PTCD2: variants seen among roughly 807,000 people sequenced by gnomAD.
PTCD2 encodes the protein pentatricopeptide repeat domain 2, also known as pentatricopeptide repeat-containing protein 2, mitochondrial.
PTCD2 carries 31 observed loss-of-function variants against 42.6 expected under a neutral mutation model. That is an observed-to-expected ratio of 0.73 (90% CI 0.55 to 0.98). The LOEUF (loss-of-function observed/expected upper bound fraction) is 0.98. PTCD2 is among the 50% of genes least tolerant of loss of function. The pLI, the probability that PTCD2 is intolerant of heterozygous loss-of-function variation, is 0.00. For missense variants in PTCD2, 476 were observed against 454.8 expected, an observed-to-expected ratio of 1.05 and a Z score of -0.42; for synonymous variants, 183 against 170.9, an observed-to-expected ratio of 1.07 and a Z score of -0.55.
At chr5:72,334,942 G>T in intron 4 of PTCD2, 76 bp from the exon 5 acceptor site, 1 of 856,968 alleles carries the variant, frequency 1.2e-6, no homozygotes, top group South Asian at 1.4e-5. Context: ...GACCTGGCTA[G>T]ATAAGAGACA....
intron 8 of PTCD2, among the ~76,000 whole-genome samples, chr5:72,347,681 T>C (rs1196893100): frequency 6.6e-6 from 1 of 152,022 alleles, no homozygotes; most frequent in Non-Finnish European, 1.5e-5. Flanking sequence ...AGCGAGACTC[T>C]GCCTCCAACA....
chr5:72,348,490 G>A (rs1298227472), intron 8 of PTCD2, among the ~76,000 whole-genome samples: 2 of 152,054 alleles, frequency 1.3e-5, no homozygotes, highest in Non-Finnish European at 2.9e-5. Context: ...TGACCCAGAG[G>A]GCCCAGTTTC....
chr5:72,367,646 A>G lies in PTCD2; in HGVS notation c.*9219A>G, dbSNP rs1753233914. The G allele has an allele frequency of 6.6e-6, 1 of 152,206 alleles. No individual in the cohort carries two copies. Among genetic ancestry groups the G allele is most frequent in the South Asian group, 2.1e-4 (1 of 4,836 alleles). The allele number at this position is 152,206 out of a possible 1,614,324, so 9.4% of individuals were successfully genotyped here. On this transcript the variant is annotated 3_prime_UTR_variant, in exon 10 of 10. Transcript: ENST00000380639. ...GAAAAAAACCCAAAACACCTGGTTG[A>G]TGGCCATTTGGTCAAACACCTCTAG...
Position 72,358,343 on chromosome 5 carries a change from G to A in PTCD2, c.1083G>A (p.Arg361=), listed in dbSNP as rs749921457. 9 of 1,614,066 alleles carry A rather than the reference G, an allele frequency of 5.6e-6. No homozygotes were observed. The highest frequency in any genetic ancestry group is 2.2e-5 in the East Asian group (1 of 44,872). ...DAVLCHTPRD[R]KSHTLLLNKR... ...TGCTCTGCCACACCCCCAGGGACAG[G>A]AAATCTCACACGTTGCTATTAAACA... Residue 361 remains arginine, a synonymous_variant, in exon 10 of 10, where the codon AGG becomes AGA. Coordinates refer to ENST00000380639, the MANE Select transcript of PTCD2 (RefSeq NM_024754.5).
Position 72,362,577 on chromosome 5 carries a change from C to G in PTCD2, c.*4150C>G, listed in dbSNP as rs1329470586. 1 of 152,238 alleles carries G rather than the reference C, an allele frequency of 6.6e-6. No individual in the cohort carries two copies. The highest frequency in any genetic ancestry group is 1.5e-5 in the Non-Finnish European group (1 of 68,082). The allele number at this position is 152,238 out of a possible 1,614,324, so 9.4% of individuals were successfully genotyped here. On this transcript the variant is annotated 3_prime_UTR_variant, in exon 10 of 10. Transcript: ENST00000380639. Reference sequence around the variant, plus strand: ...AGCCCACTGTGTATCCCTTCCTCCTCCCAACCAAAGTGTCCCCACTCTTTC... The same window carrying G: ...AGCCCACTGTGTATCCCTTCCTCCTGCCAACCAAAGTGTCCCCACTCTTTC...
chr5:72,322,125 C>T, intron 1 of PTCD2, 47 bp from the exon 2 acceptor site: 1 of 1,019,520 alleles, frequency 9.8e-7, no homozygotes, highest in Non-Finnish European at 1.5e-6. Context: ...TTGCTAACTT[C>T]TAAAACAGTC....
At chr5:72,320,543 G>A in intron 1 of PTCD2, 34 bp downstream of exon 1, 6 of 1,611,942 alleles carry the variant, frequency 3.7e-6, no homozygotes, top group Non-Finnish European at 5.1e-6. Context: ...AAGGAGGGGA[G>A]GGATGGGAGA....
At chr5:72,321,248 A>T (rs1309902907) in intron 1 of PTCD2, 1 of 152,378 alleles carries the variant, frequency 6.6e-6, no homozygotes, top group South Asian at 2.1e-4. Flanking sequence ...TGAAGATGCT[A>T]GTGAGTGATA....
At chr5:72,348,345 A>G (rs887958184) in intron 8 of PTCD2, among the ~76,000 whole-genome samples, 2 of 152,236 alleles carry the variant, frequency 1.3e-5, no homozygotes, top group African/African-American at 2.4e-5. Flanking sequence ...ACAGAAATCA[A>G]TGAAACTTTT....
rs1207927892 is a variant in PTCD2 at position 72,361,675 on chromosome 5, C to T, written c.*3248C>T. ...GTCTGTTTTCTCCCCTGTTTAAAAC[C>T]TCCTGAGGACCTCACATGCTTCTGG... is the stretch of plus-strand genomic sequence containing the variant. On this transcript the variant is annotated 3_prime_UTR_variant, in exon 10 of 10. Transcript: ENST00000380639. 1 of 152,164 alleles carries T rather than the reference C, an allele frequency of 6.6e-6. No homozygotes were observed. The highest frequency in any genetic ancestry group is 1.9e-4 in the East Asian group (1 of 5,204). 9.4% of individuals were successfully genotyped at this position (152,164 alleles called of 1,614,324 possible).
At chr5:72,343,881 A>G (rs1376161332) in intron 8 of PTCD2, among the ~76,000 whole-genome samples, 1 of 152,166 alleles carries the variant, frequency 6.6e-6, no homozygotes, top group African/African-American at 2.4e-5. Context: ...TACTGTGTCT[A>G]CTTGTGTGGG....
rs1002219744 is a variant in PTCD2, at chr5:72,335,718, T to C, written c.548-76T>C. 2.6e-5 allele frequency: 23 copies of C among 883,436 alleles called. No homozygotes were observed. In the South Asian group the frequency reaches 3.2e-4, roughly 12 times the overall value. 54.7% of individuals were successfully genotyped at this position (883,436 alleles called of 1,614,324 possible). ...TTGAAATACACTTTTCTGTAGATGGTGCTGAACAGATGAGAGCTTTGGGGG... is the reference window on the plus strand; with the variant it reads ...TTGAAATACACTTTTCTGTAGATGGCGCTGAACAGATGAGAGCTTTGGGGG... On this transcript the variant is annotated intron_variant, in intron 5 of 9. Coordinates refer to ENST00000380639, the MANE Select transcript of PTCD2 (RefSeq NM_024754.5).
At position 72,365,191 on chromosome 5, in the gene PTCD2, GAAGA is replaced by G. The variant is rs774344238; in HGVS notation, c.*6769_*6772del. On this transcript the variant is annotated 3_prime_UTR_variant, in exon 10 of 10. Transcript: ENST00000380639. ...AGAGGAAGGCCTCATTTAATCAGGA[GAAGA>G]AAGAGAACCAGGGGCCTCTGAGATG... is the stretch of plus-strand genomic sequence containing the variant. 4 of 152,360 alleles carry G rather than the reference GAAGA, an allele frequency of 2.6e-5. No individual in the cohort carries two copies. The highest frequency in any genetic ancestry group is 5.9e-5 in the Non-Finnish European group (4 of 68,180). 9.4% of individuals were successfully genotyped at this position (152,360 alleles called of 1,614,324 possible). A position where few individuals can be genotyped will look rare whatever the true frequency, so the allele number is the denominator to read the frequency against.
intron 4 of PTCD2, among the ~76,000 whole-genome samples, chr5:72,333,163 T>C (rs989996955): frequency 1.3e-5 from 2 of 152,068 alleles, no homozygotes; most frequent in African/African-American, 4.8e-5. Flanking sequence ...TTGTGCCATC[T>C]CCCCTTTCTC....
rs546625021 is a variant in PTCD2 at position 72,360,595 on chromosome 5, A to G, written c.*2168A>G. On this transcript the variant is annotated 3_prime_UTR_variant, in exon 10 of 10. Transcript: ENST00000380639. The stretch of plus-strand genomic sequence containing the variant: ...CAGTATAGGTTATGATAGGCATTTC[A>G]TTCTTTAAAACTCAGTAATTCCTTT... 6.6e-6 allele frequency: 1 copy of G among 152,130 alleles called. No homozygotes were observed. Among genetic ancestry groups the G allele is most frequent in the Non-Finnish European group, 1.5e-5 (1 of 68,022 alleles). 9.4% of individuals were successfully genotyped at this position (152,130 alleles called of 1,614,324 possible).
Position 72,358,280 on chromosome 5 carries a change from C to T in PTCD2, c.1020C>T (p.His340=), listed in dbSNP as rs200810438. Residue 340 remains histidine (H), a synonymous_variant, in exon 10 of 10, where the codon CAC becomes CAT. Transcript: ENST00000380639. The stretch of plus-strand genomic sequence containing the variant: ...TTGATGAGATCTATGGGACACTGCA[C>T]ATCACTGGCCAGGTCACCACTGATT... ...AKFDEIYGTL[H]ITGQVTTDSL... is the part of the protein sequence containing the mutation. 9 of 1,614,074 alleles carry T rather than the reference C, an allele frequency of 5.6e-6. No homozygotes were observed. In the East Asian group the frequency reaches 1.3e-4, roughly 24 times the overall value.
At chr5:72,358,059 A>C in intron 9 of PTCD2, 144 bp from the exon 10 acceptor site, 1 of 706,922 alleles carries the variant, frequency 1.4e-6, no homozygotes, top group South Asian at 1.9e-5. Context: ...CTCAGCGTCC[A>C]AAATTGCTTA....
At chr5:72,328,779 G>T (rs1751275083) in intron 3 of PTCD2, among the ~76,000 whole-genome samples, 1 of 152,068 alleles carries the variant, frequency 6.6e-6, no homozygotes, top group Admixed American at 6.6e-5. Context: ...TTTATTATAT[G>T]TTAGGTATTT....
At chr5:72,337,847 C>T (rs560326188) in intron 6 of PTCD2, among the ~76,000 whole-genome samples, 12 of 152,210 alleles carry the variant, frequency 7.9e-5, no homozygotes, top group Middle Eastern at 6.8e-3. Flanking sequence ...GGACTTTTCT[C>T]CCCTGTGTCA....
Sources: allele counts gnomAD v4.1 joint callset (sites outside exome capture counted in the v4.1 genomes callset), GRCh38; gene constraint gnomAD v4.1.1; transcripts MANE v1.5; gene names NCBI Gene and HGNC (gene_info 2026-07-23, HGNC 2026-07-21).